Variants in TRPM5 observed in about 807,000 individuals in gnomAD.
TRPM5 encodes the protein transient receptor potential cation channel subfamily M member 5, also known as MLSN1 and TRP-related.
In TRPM5, 121 loss-of-function variants were observed where a neutral mutation model predicts 124.9. The ratio of observed to expected loss-of-function variants is 0.97; its 90% CI spans 0.84 to 1.13. TRPM5 has a LOEUF of 1.13. Among genes scored for constraint, TRPM5 ranks in the 50% most tolerant of loss-of-function variants. TRPM5 has a pLI of 0.00. For missense variants in TRPM5, 1,643 were observed against 1,589.1 expected (o/e 1.03, Z -0.58); for synonymous variants, 781 against 700.5 (o/e 1.11, Z -1.81).
intron 4 of TRPM5, among the ~76,000 whole-genome samples, chr11:2,419,401 A>G (rs763488306): frequency 2.7e-5 from 4 of 150,600 alleles, no homozygotes; most frequent in Non-Finnish European, 5.9e-5. Context: ...TGAGATCAGG[A>G]GTTCAAGACC....
Position 2,418,149 on chromosome 11 carries a change from G to A in TRPM5, c.906+18C>T. On this transcript the variant is annotated intron_variant, in intron 6 of 23. Transcript: ENST00000155858. ...CCGGAGGAGGGGTCGGGAGGACAGG[G>A]GAGGGGGCAGCACATACCAGCTTGG... 1 of 1,535,134 alleles carries A rather than the reference G, an allele frequency of 6.5e-7. No individual in the cohort carries two copies. Among genetic ancestry groups the A allele is most frequent in the Non-Finnish European group, 8.8e-7 (1 of 1,131,590 alleles).
At position 2,413,424 on chromosome 11, in the gene TRPM5, G is replaced by T. The variant is rs368311215; in HGVS notation, c.2003+52C>A. On this transcript the variant is annotated intron_variant, in intron 13 of 23. Coordinates refer to ENST00000155858, the Ensembl canonical transcript of TRPM5. ...AGGCCCAGGCCCTCCCCGTAGCTCCGGCACTCGCACTGCTGCCTGTCCTGG... is the reference window on the plus strand; with the variant it reads ...AGGCCCAGGCCCTCCCCGTAGCTCCTGCACTCGCACTGCTGCCTGTCCTGG... 2.0e-6 allele frequency: 3 copies of T among 1,518,112 alleles called. No homozygotes were observed. In the East Asian group the frequency reaches 6.9e-5, roughly 35 times the overall value. 94.0% of individuals were successfully genotyped at this position (1,518,112 alleles called of 1,614,324 possible). A position where few individuals can be genotyped will look rare whatever the true frequency, so the allele number is the denominator to read the frequency against.
At chr11:2,417,585 T>C (rs1041616633) in intron 7 of TRPM5, 142 bp downstream of exon 12, 3 of 623,950 alleles carry the variant, frequency 4.8e-6, no homozygotes, top group Admixed American at 2.8e-5. Flanking sequence ...TACAGACAGC[T>C]TCATGAATCA....
At chr11:2,415,215 G>C (rs1850544370) in exon 9 of TRPM5, 1 of 1,578,688 alleles carries the variant, frequency 6.3e-7, no homozygotes, top group African/African-American at 1.3e-5. Context: ...CTCGTGCAGG[G>C]AGAAGGCCGG....
intron 14 of TRPM5, 26 bp from the exon 20 acceptor site, chr11:2,413,038 G>C (rs1160120351): frequency 2.1e-5 from 33 of 1,585,392 alleles, no homozygotes; most frequent in Non-Finnish European, 2.8e-5. Flanking sequence ...GTTCGCAGTG[G>C]TGAGGCTGGC....
intron 1 of TRPM5, 31 bp from the exon 7 acceptor site, chr11:2,422,352 C>T (rs763243074): frequency 2.8e-5 from 40 of 1,417,580 alleles, no homozygotes; most frequent in South Asian, 4.4e-5. Context: ...TCAGGGCTTT[C>T]GGGGCACGGG....
chr11:2,413,469 C>T lies in TRPM5; in HGVS notation c.2003+7G>A. 1.2e-6 allele frequency: 2 copies of T among 1,605,428 alleles called. No individual in the cohort carries two copies. The highest frequency in any genetic ancestry group is 2.2e-5 in the South Asian group (2 of 89,856). On this transcript the variant is annotated splice_region_variant and intron_variant, in intron 13 of 23. Transcript: ENST00000155858. ...TCCTGGCCGGGCAGCTCACAGGCCT[C>T]ACCCACCTGAAGGTGATGAGGTTGG...
intron 2 of TRPM5, among the ~76,000 whole-genome samples, chr11:2,421,721 C>G (rs529998841): frequency 1.3e-5 from 2 of 152,218 alleles, no homozygotes; most frequent in South Asian, 2.1e-4. Flanking sequence ...CAGCTGGCGG[C>G]CCGACTGCTT....
At position 2,422,139 on chromosome 11, in the gene TRPM5, AC is replaced by A; in HGVS notation, c.298+1del. On this transcript the variant is annotated splice_donor_variant, in intron 2 of 23. Transcript: ENST00000155858. LOFTEE classifies it high-confidence loss of function. ...CGCTGCCTGTGCCGGGTGGGGCCTC[AC>A]CTGTGCTCTGAGCCGCCTTCACCAG... The A allele has an allele frequency of 6.3e-7, 1 of 1,590,458 alleles. No homozygotes were observed. Among genetic ancestry groups the A allele is most frequent in the South Asian group, 1.1e-5 (1 of 88,870 alleles).
exon 8 of TRPM5, chr11:2,416,024 G>T: frequency 6.3e-7 from 1 of 1,594,132 alleles, no homozygotes; most frequent in Non-Finnish European, 8.5e-7. Flanking sequence ...GCTCTTGCAG[G>T]CTGTGGGCAG....
chr11:2,410,852 CG>C (rs1850431282), intron 18 of TRPM5, among the ~76,000 whole-genome samples: 1 of 152,070 alleles, frequency 6.6e-6, no homozygotes, highest in African/African-American at 2.4e-5. Flanking sequence ...GCCAGCAGGA[CG>C]GCGTAGGGGC....
chr11:2,404,960 C>A (rs571886221), exon 24 of TRPM5: 2 of 1,612,462 alleles, frequency 1.2e-6, no homozygotes, highest in Admixed American at 3.3e-5. Flanking sequence ...GGAGGCTGGC[C>A]AGCCCCGGGT....
the TRPM5 span, among the ~76,000 whole-genome samples, chr11:2,433,958 G>C: frequency 8.9e-4 from 136 of 152,112 alleles, 1 homozygote; most frequent in African/African-American, 3.2e-3. Flanking sequence ...GTGTATATGT[G>C]TGTGTAGGTG....
chr11:2,420,503 T>C (rs1845756523), intron 3 of TRPM5, 98 bp from the exon 9 acceptor site: 1 of 1,293,078 alleles, frequency 7.7e-7, no homozygotes, highest in African/African-American at 1.5e-5. Context: ...CACCACGCCA[T>C]GGGGCCCCGC....
chr11:2,435,053 G>A, the TRPM5 span, among the ~76,000 whole-genome samples: 5 of 152,086 alleles, frequency 3.3e-5, no homozygotes, highest in South Asian at 8.3e-4. The surrounding 1 kb of genome is among the most constrained non-coding windows in gnomAD (Gnocchi z 4.1). Context: ...CTCCCACCTC[G>A]GCCTCCCACA....
exon 18 of TRPM5, chr11:2,411,482 G>C: frequency 1.2e-6 from 2 of 1,611,298 alleles, no homozygotes; most frequent in Non-Finnish European, 1.7e-6. Context: ...CGTAGGCCAC[G>C]AGCCACACGC....
the TRPM5 span, among the ~76,000 whole-genome samples, chr11:2,439,967 G>C: frequency 5.9e-5 from 9 of 152,176 alleles, no homozygotes; most frequent in Non-Finnish European, 1.2e-4. Context: ...AGAAAATGTG[G>C]TATATACACA....
the TRPM5 span, among the ~76,000 whole-genome samples, chr11:2,441,971 G>C: frequency 1.2e-3 from 185 of 152,308 alleles, 1 homozygote; most frequent in African/African-American, 3.9e-3. The surrounding 1 kb of genome is among the most constrained non-coding windows in gnomAD (Gnocchi z 7.2). Flanking sequence ...TTACAGGTGT[G>C]AGCCACTGCA....
At chr11:2,406,705 C>T (rs760578660) in exon 21 of TRPM5, 2 of 1,613,374 alleles carry the variant, frequency 1.2e-6, no homozygotes, top group African/African-American at 2.7e-5. Flanking sequence ...TGTCCCTCCT[C>T]CGCTTCTCCA....
Sources: gnomAD v4.1 joint callset for allele counts (sites outside exome capture counted in the v4.1 genomes callset) on GRCh38, gnomAD v4.1.1 for gene constraint, Gnocchi (gnomAD v3.1) non-coding constraint, MANE v1.5 for transcripts, NCBI Gene and HGNC (gene_info 2026-07-23, HGNC 2026-07-21) for gene names.